The following ZNF469 variants were observed in gnomAD, a reference collection of about 807,000 sequenced individuals.
The protein encoded by ZNF469 is zinc finger protein 469.
Under a neutral mutation model 1.0 loss-of-function variants are expected in ZNF469, and 1 was observed. The observed-to-expected ratio is 1.00, with a 90% CI of 0.35 to 4.73. ZNF469 has a LOEUF of 4.73. Among genes scored for constraint, ZNF469 ranks in the 30% most tolerant of loss-of-function variants. ZNF469 has a pLI of 0.16. For synonymous variants in ZNF469, 2,703 were observed against 2,363.4 expected, an observed-to-expected ratio of 1.14 and a Z score of -4.17; for missense variants, 6,100 against 5,356.3, an observed-to-expected ratio of 1.14 and a Z score of -4.33.
At chr16:88,181,498 A>T in the ZNF469 span, among the ~76,000 whole-genome samples, 3 of 152,256 alleles carry the variant, frequency 2.0e-5, no homozygotes, top group Non-Finnish European at 4.4e-5. Flanking sequence ...CAACAGAATT[A>T]AGCCAGAAAT....
At chr16:88,307,251 T>C in the ZNF469 span, among the ~76,000 whole-genome samples, 1 of 152,278 alleles carries the variant, frequency 6.6e-6, no homozygotes, top group African/African-American at 2.4e-5. Context: ...GTTCTTCCAC[T>C]GATGGAAGTG....
intron 1 of ZNF469, among the ~76,000 whole-genome samples, chr16:88,396,551 C>G (rs971598778): frequency 6.7e-6 from 1 of 149,846 alleles, no homozygotes; most frequent in Admixed American, 6.6e-5. Context: ...GGAGGAGACC[C>G]TCCTGAAGGG....
At position 88,432,002 on chromosome 16, in the gene ZNF469, T is replaced by G; in HGVS notation, c.4532T>G (p.Leu1511Arg). The change falls in exon 3 of 3, where the codon CTG becomes CGG. Residue 1511 changes from leucine to arginine, a missense_variant. Transcript: ENST00000565624. ...FLLLEEVSPMLPSHFPDLSGG... is the reference protein window; with the variant it reads ...FLLLEEVSPMRPSHFPDLSGG... Reference sequence around the variant, plus strand: ...CTGCTTGAGGAAGTATCCCCGATGCTGCCTAGCCATTTTCCTGATCTCTCG... The same window carrying G: ...CTGCTTGAGGAAGTATCCCCGATGCGGCCTAGCCATTTTCCTGATCTCTCG... 2 of 1,549,246 alleles carry G rather than the reference T, an allele frequency of 1.3e-6. No homozygotes were observed. Among genetic ancestry groups the G allele is most frequent in the Non-Finnish European group, 1.7e-6 (2 of 1,146,922 alleles).
the ZNF469 span, among the ~76,000 whole-genome samples, chr16:88,290,941 A>T: frequency 6.6e-6 from 1 of 152,202 alleles, no homozygotes; most frequent in Non-Finnish European, 1.5e-5. Flanking sequence ...TTTCCCCACA[A>T]AACCAGATCG....
the ZNF469 span, among the ~76,000 whole-genome samples, chr16:88,310,159 C>T: frequency 6.6e-6 from 1 of 152,090 alleles, no homozygotes; most frequent in Non-Finnish European, 1.5e-5. Flanking sequence ...GGTGGGACAG[C>T]CTGGCATGAG....
chr16:88,356,086 G>A, the ZNF469 span, among the ~76,000 whole-genome samples: 47 of 152,218 alleles, frequency 3.1e-4, no homozygotes, highest in African/African-American at 9.2e-4. Context: ...AAATCAGACC[G>A]CACGCCCCGC....
chr16:88,430,331 T>G lies in ZNF469; in HGVS notation c.2861T>G (p.Phe954Cys). 6.6e-7 allele frequency: 1 copy of G among 1,514,440 alleles called. No homozygotes were observed. The highest frequency in any genetic ancestry group is 8.8e-7 in the Non-Finnish European group (1 of 1,135,324). The allele number at this position is 1,514,440 out of a possible 1,614,324, so 93.8% of individuals were successfully genotyped here. The part of the protein sequence containing the change: ...QQRRGKQLKL[F>C]RKDLDSGGAA... ...AGGAGGGGGAAGCAGTTGAAGCTGT[T>G]CCGGAAGGATCTGGACTCGGGCGGC... Residue 954 changes from phenylalanine (F) to cysteine (C), a missense_variant, in exon 3 of 3, where the codon TTC becomes TGC. By Grantham distance (205) the Phe-to-Cys change is radical (BLOSUM62 -2). Transcript: ENST00000565624.
upstream of ZNF469, among the ~76,000 whole-genome samples, chr16:88,378,885 C>T (rs930174551): frequency 1.3e-5 from 2 of 152,234 alleles, no homozygotes; most frequent in Non-Finnish European, 2.9e-5. Flanking sequence ...GTCTGGTCCT[C>T]GCTCGGAGGT....
At chr16:88,200,390 A>G in the ZNF469 span, among the ~76,000 whole-genome samples, 1 of 152,212 alleles carries the variant, frequency 6.6e-6, no homozygotes, top group Non-Finnish European at 1.5e-5. Flanking sequence ...ACACGCTCCA[A>G]TGCTCACGCC....
chr16:88,173,796 C>T, the ZNF469 span, among the ~76,000 whole-genome samples: 18 of 151,930 alleles, frequency 1.2e-4, no homozygotes, highest in Non-Finnish European at 1.6e-4. Context: ...AGTCAAAATA[C>T]ATATTATAAA....
chr16:88,428,422 G>A lies in ZNF469; in HGVS notation c.952G>A (p.Val318Met), dbSNP rs139066376. 2,263 of 1,547,972 alleles carry A rather than the reference G, an allele frequency of 1.5e-3. 24 individuals carry two copies. The African/African-American group carries it at 0.028, about 19-fold the overall frequency. Reference sequence around the variant, plus strand: ...CCAGGGAGCGTGGCCGGAGGAGGCCGTGGGCACGGGCCCTGCCTACCCGCT... The same window carrying A: ...CCAGGGAGCGTGGCCGGAGGAGGCCATGGGCACGGGCCCTGCCTACCCGCT... ...QPQGAWPEEA[V>M]GTGPAYPLPT... Residue 318 changes from valine (V) to methionine (M), a missense_variant, in exon 3 of 3, where the codon GTG becomes ATG. Physicochemically the swap from Val to Met is conservative, Grantham distance 21 (BLOSUM62 1). Transcript: ENST00000565624.
chr16:88,205,020 C>T, the ZNF469 span, among the ~76,000 whole-genome samples: 1 of 152,104 alleles, frequency 6.6e-6, no homozygotes, highest in South Asian at 2.1e-4. This position sits in a 1 kb window ranked among gnomAD's most constrained non-coding sequence, Gnocchi z 4.2. Flanking sequence ...TAAGGGGCAG[C>T]GCCGAGGGAG....
the ZNF469 span, among the ~76,000 whole-genome samples, chr16:88,286,082 G>A: frequency 5.3e-5 from 8 of 152,214 alleles, no homozygotes; most frequent in South Asian, 4.1e-4. Context: ...TGCCTCCATC[G>A]TGCCCCATTG....
At chr16:88,205,221 G>A in the ZNF469 span, among the ~76,000 whole-genome samples, 1 of 152,186 alleles carries the variant, frequency 6.6e-6, no homozygotes, top group Non-Finnish European at 1.5e-5. The surrounding 1 kb of genome is among the most constrained non-coding windows in gnomAD (Gnocchi z 4.2). Context: ...CCGAATACAT[G>A]ACCTCAATCC....
the ZNF469 span, among the ~76,000 whole-genome samples, chr16:88,170,517 T>G: frequency 6.6e-6 from 1 of 152,228 alleles, no homozygotes; most frequent in African/African-American, 2.4e-5. This position sits in a 1 kb window ranked among gnomAD's most constrained non-coding sequence, Gnocchi z 4.2. Flanking sequence ...ATGCCACATG[T>G]AAGTGAGATC....
At chr16:88,163,536 GGATTGGTAAGTGGGCA>G in the ZNF469 span, among the ~76,000 whole-genome samples, 1 of 130,028 alleles carries the variant, frequency 7.7e-6, no homozygotes, top group African/African-American at 2.9e-5. Flanking sequence ...ATGGATGGAT[GGATTGGTAAGTGGGCA>G]GATGAGTGGG....
At chr16:88,193,093 ATGGTGTTGATGGTGG>A in the ZNF469 span, among the ~76,000 whole-genome samples, 334 of 52,824 alleles carry the variant, frequency 6.3e-3, 7 homozygotes, top group Middle Eastern at 0.016. Context: ...GGTGGTGGTG[ATGGTGTTGATGGTGG>A]TGGTGGTGAT....
the ZNF469 span, among the ~76,000 whole-genome samples, chr16:88,230,233 C>T: frequency 5.3e-5 from 8 of 152,262 alleles, 1 homozygote; most frequent in South Asian, 1.4e-3. Context: ...AGCAGAACCA[C>T]CCTTCCACCT....
the ZNF469 span, among the ~76,000 whole-genome samples, chr16:88,308,101 C>A: frequency 2.0e-5 from 3 of 152,242 alleles, no homozygotes; most frequent in Middle Eastern, 3.2e-3. Context: ...TATTCTTTCC[C>A]TGTTAAACTG....
Sources: allele counts gnomAD v4.1 joint callset (sites outside exome capture counted in the v4.1 genomes callset), GRCh38; gene constraint gnomAD v4.1.1; non-coding constraint Gnocchi (gnomAD v3.1); transcripts MANE v1.5; gene names NCBI Gene and HGNC (gene_info 2026-07-23, HGNC 2026-07-21).